MFSD11: variants seen among roughly 807,000 people sequenced by gnomAD.
The protein encoded by MFSD11 is UNC93-like protein MFSD11.
MFSD11 carries 36 observed loss-of-function variants against 53.5 expected under a neutral mutation model. That is an observed-to-expected ratio of 0.67 (90% CI 0.52 to 0.89). The LOEUF is 0.89. Ranked by LOEUF, MFSD11 falls within the 40% of genes least tolerant of loss-of-function variation. The pLI, the probability that MFSD11 is intolerant of heterozygous loss-of-function variation, is 0.00. For synonymous variants in MFSD11, 186 were observed against 184.9 expected, an observed-to-expected ratio of 1.01 and a Z score of -0.05; for missense variants, 530 against 543.9, an observed-to-expected ratio of 0.97 and a Z score of 0.25.
At chr17:76,802,849 T>C in the MFSD11 span, among the ~76,000 whole-genome samples, 1,366 of 152,098 alleles carry the variant, frequency 9.0e-3, 20 homozygotes, top group African/African-American at 0.03. Flanking sequence ...ATTACACCCA[T>C]GATCAGCAGG....
At chr17:76,791,321 C>T in the MFSD11 span, among the ~76,000 whole-genome samples, 1 of 149,288 alleles carries the variant, frequency 6.7e-6, no homozygotes, top group Non-Finnish European at 1.5e-5. Flanking sequence ...TTCACAGGTC[C>T]TCTTTCTTTT....
At chr17:76,746,508 TAG>T (rs1247201212) in intron 7 of MFSD11, among the ~76,000 whole-genome samples, 1 of 152,216 alleles carries the variant, frequency 6.6e-6, no homozygotes, top group Non-Finnish European at 1.5e-5. Flanking sequence ...ATTTTATAGC[TAG>T]AGAGAAGTTA....
chr17:76,793,116 G>A, the MFSD11 span, among the ~76,000 whole-genome samples: 5 of 151,432 alleles, frequency 3.3e-5, no homozygotes, highest in African/African-American at 9.8e-5. Context: ...TTTCGGGCAC[G>A]CATTGTCATT....
At chr17:76,739,549 A>G (rs943966125) in intron 2 of MFSD11, among the ~76,000 whole-genome samples, 4 of 152,254 alleles carry the variant, frequency 2.6e-5, no homozygotes, top group Admixed American at 2.6e-4. Context: ...GTATATATAC[A>G]CAAACAGGTT....
chr17:76,753,859 T>G (rs558371743), intron 7 of MFSD11, among the ~76,000 whole-genome samples, 188 bp from the exon 8 acceptor site: 1 of 152,134 alleles, frequency 6.6e-6, no homozygotes, highest in East Asian at 1.9e-4. Context: ...AGGTGGGACT[T>G]TAAAAACCTG....
chr17:76,756,496 A>G (rs1049201089), intron 8 of MFSD11, among the ~76,000 whole-genome samples: 2 of 152,188 alleles, frequency 1.3e-5, no homozygotes, highest in Non-Finnish European at 2.9e-5. Flanking sequence ...CTCCCTTAGC[A>G]AGGTAGGAGG....
At chr17:76,791,618 C>T in the MFSD11 span, among the ~76,000 whole-genome samples, 14 of 148,536 alleles carry the variant, frequency 9.4e-5, no homozygotes, top group Non-Finnish European at 1.9e-4. Context: ...GGGAGCCGCA[C>T]GGGGTGTCTG....
In MFSD11 at chr17:76,742,031, T is replaced by C. The variant is rs371876333; in HGVS notation, c.323T>C (p.Ile108Thr). The C allele has an allele frequency of 2.6e-5, 42 of 1,614,096 alleles. No individual in the cohort carries two copies. The highest frequency in any genetic ancestry group is 8.5e-6 in the Non-Finnish European group (10 of 1,180,050). ...PWSFYTASVF[I>T]GIAAAVLWTA... ...TCCTTCTACACAGCCTCTGTTTTCA[T>C]TGGAATTGCTGCTGCTGGTAAGCAT... Residue 108 changes from isoleucine to threonine, a missense_variant, in exon 4 of 13, where the codon ATT (isoleucine) becomes ACT (threonine). Physicochemically the swap from Ile to Thr is moderately conservative, Grantham distance 89. Transcript: ENST00000685175.
At chr17:76,755,166 G>A (rs2079439965) in intron 8 of MFSD11, among the ~76,000 whole-genome samples, 2 of 151,030 alleles carry the variant, frequency 1.3e-5, no homozygotes, top group Admixed American at 6.6e-5. Flanking sequence ...GCACTGAGCT[G>A]ATATCACGCC....
intron 2 of MFSD11, 137 bp downstream of exon 2, chr17:76,739,130 A>C (rs2077796042): frequency 1.5e-6 from 1 of 676,490 alleles, no homozygotes; most frequent in Admixed American, 2.7e-5. Context: ...GACTGAGAGA[A>C]CATAATAGAA....
At chr17:76,797,692 AT>A in the MFSD11 span, among the ~76,000 whole-genome samples, 2 of 151,990 alleles carry the variant, frequency 1.3e-5, no homozygotes, top group African/African-American at 4.8e-5. Flanking sequence ...TCTCAGCCCC[AT>A]TTTACCCAGC....
chr17:76,787,145 T>G, the MFSD11 span, among the ~76,000 whole-genome samples: 1 of 150,684 alleles, frequency 6.6e-6, no homozygotes, highest in Non-Finnish European at 1.5e-5. Context: ...TTTTTTTTTT[T>G]TTTTTTTGAG....
chr17:76,746,984 C>T (rs1490241763), intron 7 of MFSD11, among the ~76,000 whole-genome samples: 1 of 150,616 alleles, frequency 6.6e-6, no homozygotes, highest in Non-Finnish European at 1.5e-5. Context: ...TCTCGGCTCA[C>T]TGCAACCTCT....
At chr17:76,782,474 CTTTTTTT>C (rs33999736), downstream of MFSD11, among the ~76,000 whole-genome samples, 1 of 76,172 alleles carries the variant, frequency 1.3e-5, no homozygotes, top group African/African-American at 5.5e-5. Context: ...CGCGCCCAGG[CTTTTTTT>C]TTTTTTTTTT....
chr17:76,788,966 A>G, the MFSD11 span, among the ~76,000 whole-genome samples: 1 of 149,118 alleles, frequency 6.7e-6, no homozygotes, highest in Admixed American at 6.7e-5. Context: ...ACATGGTGAA[A>G]CCCCATCTCT....
rs1568050773 is a variant in MFSD11 at position 76,744,603 on chromosome 17, TAAAG to T, written c.641+138_641+141del. The T allele has an allele frequency of 4.6e-5, 35 of 756,666 alleles. 2 individuals are homozygous for T. The South Asian group carries it at 7.6e-4, about 17-fold the overall frequency. 46.9% of individuals were successfully genotyped at this position (756,666 alleles called of 1,614,324 possible). The stretch of plus-strand genomic sequence containing the variant: ...ACCACAGGCAAGAAAAGGAAGAAAA[TAAAG>T]GAGGAGCTGCGAGGGAGGAAGAAAA... On this transcript the variant is annotated intron_variant, in intron 7 of 12. Coordinates refer to ENST00000685175, the MANE Select transcript of MFSD11 (RefSeq NM_001242532.5).
At position 76,767,468 on chromosome 17, in the gene MFSD11, T is replaced by A. The variant is rs769143078; in HGVS notation, c.748+17T>A. On this transcript the variant is annotated intron_variant, in intron 9 of 12. Transcript: ENST00000685175. ...CTTATACAGGTAATGGAATTACTGTTCTTATTTTCTCTTGCTGCATAATGA... is the reference window on the plus strand; with the variant it reads ...CTTATACAGGTAATGGAATTACTGTACTTATTTTCTCTTGCTGCATAATGA... 2.1e-6 allele frequency: 3 copies of A among 1,440,328 alleles called. No individual in the cohort carries two copies. Among genetic ancestry groups the A allele is most frequent in the Non-Finnish European group, 2.9e-6 (3 of 1,031,032 alleles). 89.2% of individuals were successfully genotyped at this position (1,440,328 alleles called of 1,614,324 possible). A position where few individuals can be genotyped will look rare whatever the true frequency, so the allele number is the denominator to read the frequency against.
chr17:76,756,216 G>A (rs1446470041), intron 8 of MFSD11, among the ~76,000 whole-genome samples: 23 of 149,756 alleles, frequency 1.5e-4, no homozygotes, highest in African/African-American at 5.4e-4. Flanking sequence ...TCTGCCTCCC[G>A]GATTCAAGTG....
intron 8 of MFSD11, among the ~76,000 whole-genome samples, chr17:76,758,581 CAA>C (rs56750819): frequency 1.2e-4 from 7 of 58,044 alleles, no homozygotes; most frequent in Non-Finnish European, 1.8e-4. Flanking sequence ...GACCAGGTCT[CAA>C]AAAAAAAAAA....
Sources: allele counts gnomAD v4.1 joint callset (sites outside exome capture counted in the v4.1 genomes callset), GRCh38; gene constraint gnomAD v4.1.1; transcripts MANE v1.5; gene names NCBI Gene and HGNC (gene_info 2026-07-23, HGNC 2026-07-21).